The following ASTN2 variants were observed in gnomAD, a reference collection of about 807,000 sequenced individuals.
ASTN2 encodes astrotactin-2.
Under a neutral mutation model 139.8 loss-of-function variants are expected in ASTN2, and 54 were observed. The ratio of observed to expected loss-of-function variants is 0.39; its 90% CI spans 0.31 to 0.48. The LOEUF (loss-of-function observed/expected upper bound fraction) is 0.48. Ranked by LOEUF, ASTN2 falls within the 20% of genes least tolerant of loss-of-function variation. ASTN2 has a pLI of 0.95. For synonymous variants in ASTN2, 756 were observed against 719.5 expected (o/e 1.05, Z -0.81); for missense variants, 1,565 against 1,725.1 (o/e 0.91, Z 1.64).
At chr9:117,371,651 C>T (rs1180424916) in intron 1 of ASTN2, among the ~76,000 whole-genome samples, 1 of 152,130 alleles carries the variant, frequency 6.6e-6, no homozygotes, top group Admixed American at 6.5e-5. Context: ...CACATCTCAT[C>T]TCATAGGGTT....
chr9:116,538,890 T>C (rs563896775), intron 19 of ASTN2, among the ~76,000 whole-genome samples: 1 of 152,198 alleles, frequency 6.6e-6, no homozygotes, highest in Non-Finnish European at 1.5e-5. Flanking sequence ...AAATGGATCC[T>C]GACAGTTGTC....
chr9:116,836,838 T>C (rs532456601), intron 11 of ASTN2, among the ~76,000 whole-genome samples: 101 of 152,216 alleles, frequency 6.6e-4, no homozygotes, highest in Admixed American at 1.8e-3. Flanking sequence ...AAAATGTGTC[T>C]ACTCCTCCAA....
At chr9:116,440,994 T>A (rs1847823763) in intron 21 of ASTN2, among the ~76,000 whole-genome samples, 1 of 152,202 alleles carries the variant, frequency 6.6e-6, no homozygotes, top group Non-Finnish European at 1.5e-5. Flanking sequence ...ATGATGTCTA[T>A]TCTGGAGGTG....
intron 3 of ASTN2, among the ~76,000 whole-genome samples, chr9:117,142,446 G>A (rs2132859831): frequency 6.6e-6 from 1 of 152,250 alleles, no homozygotes; most frequent in East Asian, 1.9e-4. Flanking sequence ...CGATCACTTA[G>A]CAACATATAC....
At chr9:116,815,128 T>C (rs996782559) in intron 12 of ASTN2, among the ~76,000 whole-genome samples, 1 of 152,190 alleles carries the variant, frequency 6.6e-6, no homozygotes, top group East Asian at 1.9e-4. Flanking sequence ...CCACCAACTC[T>C]TCCACTTGTT....
At position 117,016,678 on chromosome 9, in the gene ASTN2, ATATAGGT is replaced by A. The variant is rs1255825736; in HGVS notation, c.1424-8426_1424-8420del. Among the ~76,000 whole-genome samples, 68 of 134,312 alleles carry A rather than the reference ATATAGGT, an allele frequency of 5.1e-4. 1 individual carries two copies. Among genetic ancestry groups the A allele is most frequent in the African/African-American group, 1.9e-3 (62 of 32,906 alleles). 88.1% of individuals were successfully genotyped at this position (134,312 alleles called of 152,430 possible). ...TATAACCTATATATATGTTACATATATATAGGTTATATATATATGTTACATATATATA... is the reference window on the plus strand; with the variant it reads ...TATAACCTATATATATGTTACATATATATATATATATGTTACATATATATA... On this transcript the variant is annotated intron_variant, in intron 6 of 22. Coordinates refer to ENST00000313400, the MANE Select transcript of ASTN2 (RefSeq NM_001365068.1).
At chr9:117,188,198 G>C (rs937271865) in intron 3 of ASTN2, among the ~76,000 whole-genome samples, 19 of 120,738 alleles carry the variant, frequency 1.6e-4, no homozygotes, top group Admixed American at 1.5e-3. Context: ...GAGAGACAGA[G>C]AGAGAGAGAG....
intron 19 of ASTN2, among the ~76,000 whole-genome samples, chr9:116,537,355 G>A (rs1851684438): frequency 1.3e-5 from 2 of 152,134 alleles, no homozygotes; most frequent in South Asian, 4.1e-4. Flanking sequence ...CATAATGGTG[G>A]TACAAACAGA....
intron 1 of ASTN2, among the ~76,000 whole-genome samples, chr9:117,339,742 T>C (rs1007814996): frequency 6.6e-6 from 1 of 151,810 alleles, no homozygotes; most frequent in Admixed American, 6.6e-5. Flanking sequence ...CCCAAATGTT[T>C]GGGGTGAGGG....
chr9:116,972,956 T>A (rs1836250829), intron 10 of ASTN2, among the ~76,000 whole-genome samples: 1 of 152,240 alleles, frequency 6.6e-6, no homozygotes, highest in Non-Finnish European at 1.5e-5. Context: ...TTTATTAAAT[T>A]TCCAACATAC....
At chr9:117,348,609 G>A (rs1231583636) in intron 1 of ASTN2, among the ~76,000 whole-genome samples, 1 of 152,134 alleles carries the variant, frequency 6.6e-6, no homozygotes, top group African/African-American at 2.4e-5. Flanking sequence ...ATGTGTATAT[G>A]TGTTTGTTTG....
chr9:117,300,696 C>T (rs560830150), intron 1 of ASTN2, among the ~76,000 whole-genome samples: 1 of 152,236 alleles, frequency 6.6e-6, no homozygotes, highest in South Asian at 2.1e-4. Context: ...CAGGATAATG[C>T]CAATGGTATG....
intron 16 of ASTN2, among the ~76,000 whole-genome samples, chr9:116,690,828 A>G (rs1860528578): frequency 6.6e-6 from 1 of 152,220 alleles, no homozygotes; most frequent in Admixed American, 6.5e-5. Context: ...ATGAGAACAT[A>G]TAAAAAAATG....
chr9:117,019,694 C>T (rs955018111), intron 6 of ASTN2, among the ~76,000 whole-genome samples: 3 of 152,048 alleles, frequency 2.0e-5, no homozygotes, highest in African/African-American at 4.8e-5. Context: ...GGTGAATTCC[C>T]GTCTTCTGTT....
At chr9:116,533,125 G>A (rs1851436292) in intron 19 of ASTN2, among the ~76,000 whole-genome samples, 1 of 152,094 alleles carries the variant, frequency 6.6e-6, no homozygotes, top group Non-Finnish European at 1.5e-5. Context: ...TGAAGCAATT[G>A]TGAATGGGAG....
chr9:116,624,012 T>C (rs1043199761), intron 17 of ASTN2, among the ~76,000 whole-genome samples: 5 of 152,122 alleles, frequency 3.3e-5, no homozygotes, highest in Non-Finnish European at 7.4e-5. Flanking sequence ...TAGAGGGACC[T>C]AAGAAACAAA....
intron 5 of ASTN2, among the ~76,000 whole-genome samples, chr9:117,045,055 G>C (rs535530756): frequency 6.6e-6 from 1 of 152,144 alleles, no homozygotes; most frequent in South Asian, 2.1e-4. Flanking sequence ...AAGGTCCCAG[G>C]ATACCCTCAT....
intron 11 of ASTN2, among the ~76,000 whole-genome samples, chr9:116,840,191 G>A (rs1314594671): frequency 1.4e-5 from 2 of 147,776 alleles, no homozygotes; most frequent in East Asian, 4.2e-4. Flanking sequence ...ACAGGGTTGG[G>A]GGTAAGGTCA....
intron 6 of ASTN2, among the ~76,000 whole-genome samples, chr9:117,024,415 T>A (rs1953178): frequency 0.48 from 72,297 of 151,426 alleles, 18,045 homozygotes; most frequent in Non-Finnish European, 0.55. Context: ...TGTTTTTTTT[T>A]AAAAAGTTAT....
Sources: gnomAD v4.1 joint callset for allele counts (sites outside exome capture counted in the v4.1 genomes callset) on GRCh38, gnomAD v4.1.1 for gene constraint, MANE v1.5 for transcripts, NCBI Gene and HGNC (gene_info 2026-07-23, HGNC 2026-07-21) for gene names.